PDE7B: variants seen among roughly 807,000 people sequenced by gnomAD.
The protein encoded by PDE7B is phosphodiesterase 7B, also known as 3',5'-cyclic-AMP phosphodiesterase 7B.
A neutral mutation model predicts 56.2 loss-of-function variants in PDE7B; 29 were observed. The observed-to-expected ratio is 0.52, with a 90% CI of 0.38 to 0.70. The LOEUF (loss-of-function observed/expected upper bound fraction) is 0.70. Ranked by LOEUF, PDE7B falls within the 30% of genes least tolerant of loss-of-function variation. The pLI, the probability that PDE7B is intolerant of heterozygous loss-of-function variation, is 0.00. For missense variants in PDE7B, 490 were observed against 565.0 expected (o/e 0.87, Z 1.35); for synonymous variants, 197 against 196.9 (o/e 1.00, Z 0.00).
chr6:135,874,230 G>T (rs1199648535), intron 1 of PDE7B, among the ~76,000 whole-genome samples: 4 of 152,128 alleles, frequency 2.6e-5, no homozygotes, highest in Admixed American at 6.6e-5. Flanking sequence ...ATCTGATGTC[G>T]TGAGTCTCTC....
At chr6:136,052,782 C>T (rs1249108990) in intron 2 of PDE7B, among the ~76,000 whole-genome samples, 1 of 152,188 alleles carries the variant, frequency 6.6e-6, no homozygotes, top group East Asian at 1.9e-4. Context: ...AGGCATTTCA[C>T]TTCAATTATA....
intron 1 of PDE7B, among the ~76,000 whole-genome samples, chr6:135,857,076 T>G (rs1316266104): frequency 1.5e-5 from 2 of 137,074 alleles, no homozygotes; most frequent in Admixed American, 7.4e-5. Context: ...CTTCCTTCCT[T>G]CCTTTTCATT....
chr6:136,149,081 T>C lies in PDE7B; in HGVS notation c.319-6T>C, dbSNP rs1436035163. On this transcript the variant is annotated splice_polypyrimidine_tract_variant and splice_region_variant and intron_variant, in intron 4 of 12. Transcript: ENST00000308191. ...TTTGCGTGCTGTTTTTTGTTTGCCT[T>C]TTCAGCATATGCTCTCCAAAGTGGG... The C allele has an allele frequency of 3.1e-6, 5 of 1,609,072 alleles. No homozygotes were observed. The highest frequency in any genetic ancestry group is 4.3e-6 in the Non-Finnish European group (5 of 1,175,492).
chr6:136,185,771 A>G (rs1445493006), intron 11 of PDE7B, among the ~76,000 whole-genome samples: 1 of 152,082 alleles, frequency 6.6e-6, no homozygotes, highest in Non-Finnish European at 1.5e-5. Context: ...CCTCTTACAA[A>G]AAACAATGAC....
At position 136,041,241 on chromosome 6, in the gene PDE7B, G is replaced by T. The variant is rs62429939; in HGVS notation, c.83-67490G>T. On this transcript the variant is annotated intron_variant, in intron 2 of 12. Coordinates refer to ENST00000308191, the MANE Select transcript of PDE7B (RefSeq NM_018945.4). ...TAGCAAAGGGCATCATTATTTTTAC[G>T]CACCCTTCTTCAACAAGACTGGAAC... Among the ~76,000 whole-genome samples the T allele has an allele frequency of 5.7e-3, 873 of 152,144 alleles. 6 individuals carry two copies. The highest frequency in any genetic ancestry group is 9.0e-3 in the Non-Finnish European group (612 of 68,018).
At chr6:135,924,362 C>T (rs1299821975) in intron 1 of PDE7B, among the ~76,000 whole-genome samples, 1 of 152,120 alleles carries the variant, frequency 6.6e-6, no homozygotes, top group East Asian at 1.9e-4. Context: ...CATTCTGCTC[C>T]CTCTAGATTC....
intron 8 of PDE7B, among the ~76,000 whole-genome samples, chr6:136,170,426 C>A (rs889943828): frequency 4.6e-5 from 7 of 152,062 alleles, no homozygotes; most frequent in Admixed American, 2.6e-4. Flanking sequence ...TAAAACTAAA[C>A]CCTGTGCCCA....
intron 1 of PDE7B, among the ~76,000 whole-genome samples, chr6:135,861,482 T>G (rs1775145134): frequency 6.7e-6 from 1 of 150,246 alleles, no homozygotes; most frequent in South Asian, 2.1e-4. Flanking sequence ...TCTGATCAAG[T>G]TATTTTGTAT....
At chr6:135,889,343 G>A (rs549904071) in intron 1 of PDE7B, among the ~76,000 whole-genome samples, 11 of 150,916 alleles carry the variant, frequency 7.3e-5, no homozygotes, top group South Asian at 2.1e-4. Context: ...GTCTTACTCC[G>A]TCACCCAGGC....
chr6:135,940,189 T>C (rs537086570), intron 1 of PDE7B, among the ~76,000 whole-genome samples: 24 of 152,322 alleles, frequency 1.6e-4, no homozygotes, highest in African/African-American at 4.6e-4. Context: ...TTCTGGACTT[T>C]GCCCAGACAG....
At chr6:135,872,865 T>G (rs1371681457) in intron 1 of PDE7B, among the ~76,000 whole-genome samples, 2 of 152,190 alleles carry the variant, frequency 1.3e-5, no homozygotes, top group Admixed American at 6.5e-5. Flanking sequence ...ACTACTCATT[T>G]ATATAGTAGT....
intron 2 of PDE7B, among the ~76,000 whole-genome samples, chr6:135,965,205 A>C (rs1358809677): frequency 6.6e-6 from 1 of 152,218 alleles, no homozygotes; most frequent in Non-Finnish European, 1.5e-5. Context: ...TGGACTATAA[A>C]ATAAATAAAG....
chr6:136,184,639 A>G (rs1415584666), intron 11 of PDE7B, among the ~76,000 whole-genome samples: 2 of 152,170 alleles, frequency 1.3e-5, no homozygotes, highest in East Asian at 3.9e-4. Context: ...GCTCAGTCTC[A>G]TAGAAGATAA....
intron 1 of PDE7B, among the ~76,000 whole-genome samples, chr6:135,917,349 T>C (rs534149014): frequency 6.6e-4 from 100 of 152,286 alleles, no homozygotes; most frequent in Admixed American, 2.1e-3. Flanking sequence ...CGTCACTTAT[T>C]TTTTTCTTCT....
At chr6:135,939,361 G>A (rs1199718346) in intron 1 of PDE7B, among the ~76,000 whole-genome samples, 1 of 152,188 alleles carries the variant, frequency 6.6e-6, no homozygotes, top group African/African-American at 2.4e-5. Flanking sequence ...ATGAGGCCCT[G>A]ATTTGAAAGC....
chr6:136,032,555 A>G (rs754234686), intron 2 of PDE7B, among the ~76,000 whole-genome samples: 6 of 152,172 alleles, frequency 3.9e-5, no homozygotes, highest in Non-Finnish European at 8.8e-5. Flanking sequence ...GTCTTCTGCC[A>G]CAGGTCACTC....
intron 2 of PDE7B, among the ~76,000 whole-genome samples, chr6:135,974,293 A>G (rs761195881): frequency 1.3e-5 from 2 of 150,360 alleles, no homozygotes; most frequent in Non-Finnish European, 3.0e-5. Context: ...GTCTATATAC[A>G]TATATATATA....
intron 3 of PDE7B, among the ~76,000 whole-genome samples, chr6:136,138,730 A>T (rs1469130668): frequency 6.6e-6 from 1 of 152,128 alleles, no homozygotes; most frequent in Non-Finnish European, 1.5e-5. Flanking sequence ...TTGCTATTTT[A>T]GAAAATATTG....
intron 3 of PDE7B, among the ~76,000 whole-genome samples, chr6:136,146,275 G>A (rs1186472722): frequency 6.6e-6 from 1 of 152,198 alleles, no homozygotes; most frequent in Admixed American, 6.5e-5. Context: ...GGCAGCAGAC[G>A]TCACTAATGT....
Sources: gnomAD v4.1 joint callset for allele counts (sites outside exome capture counted in the v4.1 genomes callset) on GRCh38, gnomAD v4.1.1 for gene constraint, MANE v1.5 for transcripts, NCBI Gene and HGNC (gene_info 2026-07-23, HGNC 2026-07-21) for gene names.